SLC9A9: variants seen among roughly 807,000 people sequenced by gnomAD.
The protein encoded by SLC9A9 is sodium/hydrogen exchanger 9.
In SLC9A9, 62 loss-of-function variants were observed where a neutral mutation model predicts 77.8. The ratio of observed to expected loss-of-function variants is 0.80; its 90% CI spans 0.65 to 0.98. SLC9A9 has a LOEUF of 0.98. Ranked by LOEUF, SLC9A9 falls within the 50% of genes least tolerant of loss-of-function variation. The pLI is 0.00. For missense variants in SLC9A9, 775 were observed against 774.9 expected, an observed-to-expected ratio of 1.00 and a Z score of 0.00; for synonymous variants, 320 against 283.5, an observed-to-expected ratio of 1.13 and a Z score of -1.29.
chr3:143,322,141 G>T (rs974055554), intron 14 of SLC9A9, among the ~76,000 whole-genome samples: 1 of 152,100 alleles, frequency 6.6e-6, no homozygotes, highest in Non-Finnish European at 1.5e-5. Context: ...TTAATCTTAT[G>T]TATTAACTTG....
At chr3:143,441,696 G>T (rs11923950) in intron 12 of SLC9A9, among the ~76,000 whole-genome samples, 29,797 of 151,868 alleles carry the variant, frequency 0.2, 3,401 homozygotes, top group East Asian at 0.37. Flanking sequence ...CTCTGGATGG[G>T]CTGTGGTTTC....
In SLC9A9 at chr3:143,460,426, CT is replaced by C. The variant is rs79384361; in HGVS notation, c.1469+6610del. Among the ~76,000 whole-genome samples the C allele has an allele frequency of 2.6e-3, 392 of 150,278 alleles. 1 individual carries two copies. The highest frequency in any genetic ancestry group is 9.3e-3 in the African/African-American group (380 of 40,984). On this transcript the variant is annotated intron_variant, in intron 12 of 15. Coordinates refer to ENST00000316549, the MANE Select transcript of SLC9A9 (RefSeq NM_173653.4). ...GTTCCATCTACTGCATTCAAAATCACTTTTTTTTTTCAAACGTTGGCTGTTA... is the reference window on the plus strand; with the variant it reads ...GTTCCATCTACTGCATTCAAAATCACTTTTTTTTTCAAACGTTGGCTGTTA...
intron 1 of SLC9A9, among the ~76,000 whole-genome samples, chr3:143,838,109 T>G (rs2009615048): frequency 6.6e-6 from 1 of 152,232 alleles, no homozygotes; most frequent in South Asian, 2.1e-4. Flanking sequence ...TGAATGCATC[T>G]TAACAGATAG....
chr3:143,704,591 G>T (rs1394647363), intron 4 of SLC9A9, among the ~76,000 whole-genome samples: 1 of 152,108 alleles, frequency 6.6e-6, no homozygotes. Context: ...ACAAATGAAA[G>T]AAAATCAGTA....
chr3:143,565,719 T>G (rs976692276), intron 8 of SLC9A9, among the ~76,000 whole-genome samples: 3 of 151,986 alleles, frequency 2.0e-5, no homozygotes, highest in Admixed American at 6.6e-5. Context: ...GTTTTGTTTT[T>G]TTTTTTCCAG....
intron 9 of SLC9A9, among the ~76,000 whole-genome samples, chr3:143,522,189 C>G (rs775862640): frequency 6.6e-6 from 1 of 152,186 alleles, no homozygotes; most frequent in Non-Finnish European, 1.5e-5. Context: ...ATACATCTTT[C>G]TCCATCTAAA....
chr3:143,441,908 C>T (rs145637062), intron 12 of SLC9A9, among the ~76,000 whole-genome samples: 214 of 152,140 alleles, frequency 1.4e-3, no homozygotes, highest in African/African-American at 4.7e-3. Context: ...ACTCATCCAT[C>T]CATCCAGCCA....
At chr3:143,841,996 C>T (rs909435671) in intron 1 of SLC9A9, among the ~76,000 whole-genome samples, 1 of 152,118 alleles carries the variant, frequency 6.6e-6, no homozygotes, top group African/African-American at 2.4e-5. Flanking sequence ...CTCAGGTGAT[C>T]CACTTGCCTC....
At chr3:143,691,613 C>T (rs762939746) in intron 5 of SLC9A9, among the ~76,000 whole-genome samples, 2 of 152,082 alleles carry the variant, frequency 1.3e-5, no homozygotes, top group Admixed American at 6.6e-5. Context: ...CTGGCTATTA[C>T]GAGTGACCAC....
At chr3:143,272,082 A>G (rs946639025) in intron 14 of SLC9A9, among the ~76,000 whole-genome samples, 4 of 152,192 alleles carry the variant, frequency 2.6e-5, no homozygotes, top group African/African-American at 9.7e-5. Flanking sequence ...AGAAAGGGGA[A>G]ATCAAAGTTG....
intron 11 of SLC9A9, among the ~76,000 whole-genome samples, chr3:143,471,479 C>A (rs1184929519): frequency 6.6e-6 from 1 of 152,066 alleles, no homozygotes. Flanking sequence ...AGGGTACCAG[C>A]AAAATACTAA....
rs1412286005 is a variant in SLC9A9, at chr3:143,773,856, G to A, written c.533+21145C>T. Among the ~76,000 whole-genome samples the A allele has an allele frequency of 2.6e-5, 4 of 152,294 alleles. No homozygotes were observed. The East Asian group carries it at 7.7e-4, about 29-fold the overall frequency. On this transcript the variant is annotated intron_variant, in intron 4 of 15. Transcript: ENST00000316549. ...TGAAACATTAACCATTAGGTCTCATGAGTGGTACAAGCCATTTCCAGTGTG... is the reference window on the plus strand; with the variant it reads ...TGAAACATTAACCATTAGGTCTCATAAGTGGTACAAGCCATTTCCAGTGTG...
At chr3:143,497,862 GTCTGTTACCTTTGTCCCCC>G (rs1320558443) in intron 9 of SLC9A9, among the ~76,000 whole-genome samples, 2 of 152,140 alleles carry the variant, frequency 1.3e-5, no homozygotes, top group African/African-American at 2.4e-5. Flanking sequence ...TAATAAGAAA[GTCTGTTACCTTTGTCCCCC>G]TCACCTCCAC....
chr3:143,362,551 C>T (rs544541433), intron 14 of SLC9A9, among the ~76,000 whole-genome samples: 1 of 152,162 alleles, frequency 6.6e-6, no homozygotes, highest in East Asian at 1.9e-4. Context: ...TTTTTCTTCA[C>T]CTATTCTTTG....
At chr3:143,474,542 A>G (rs976579400) in intron 11 of SLC9A9, among the ~76,000 whole-genome samples, 1 of 151,892 alleles carries the variant, frequency 6.6e-6, no homozygotes, top group Non-Finnish European at 1.5e-5. Flanking sequence ...GGGTCAGATG[A>G]GGGGTATGAG....
intron 4 of SLC9A9, among the ~76,000 whole-genome samples, chr3:143,743,849 T>G (rs925391951): frequency 6.6e-6 from 1 of 152,214 alleles, no homozygotes; most frequent in East Asian, 1.9e-4. Flanking sequence ...TGCCTAATTA[T>G]TTCAAGAATG....
At chr3:143,578,806 G>A (rs1559977199) in intron 6 of SLC9A9, 83 bp from the exon 7 acceptor site, 3 of 1,513,742 alleles carry the variant, frequency 2.0e-6, no homozygotes, top group East Asian at 2.3e-5. Flanking sequence ...TTGGGGAGAG[G>A]TATCTTTCCC....
chr3:143,649,267 A>G (rs555087924), intron 6 of SLC9A9, among the ~76,000 whole-genome samples: 217 of 152,340 alleles, frequency 1.4e-3, no homozygotes, highest in African/African-American at 5.1e-3. Flanking sequence ...ATGCAAATCT[A>G]TCATGTGGAA....
At chr3:143,334,015 T>G (rs1171094372) in intron 14 of SLC9A9, among the ~76,000 whole-genome samples, 1 of 152,260 alleles carries the variant, frequency 6.6e-6, no homozygotes, top group East Asian at 1.9e-4. Context: ...TTATTAATTT[T>G]GTATTTGAAA....
Sources: allele counts gnomAD v4.1 joint callset (sites outside exome capture counted in the v4.1 genomes callset), GRCh38; gene constraint gnomAD v4.1.1; transcripts MANE v1.5; gene names NCBI Gene and HGNC (gene_info 2026-07-23, HGNC 2026-07-21).